SNTG1: variants seen among roughly 807,000 people sequenced by gnomAD.
SNTG1 encodes syntrophin gamma 1.
A neutral mutation model predicts 74.7 loss-of-function variants in SNTG1; 39 were observed. That is an observed-to-expected ratio of 0.52 (90% CI 0.40 to 0.68). SNTG1 has a LOEUF of 0.68. Among genes scored for constraint, SNTG1 ranks in the 30% least tolerant of loss-of-function variants. SNTG1 has a pLI of 0.00. For missense variants in SNTG1, 685 were observed against 609.5 expected (o/e 1.12, Z -1.30); for synonymous variants, 254 against 217.1 (o/e 1.17, Z -1.49).
chr8:50,377,364 T>A (rs4147344), intron 2 of SNTG1, among the ~76,000 whole-genome samples: 46,968 of 152,076 alleles, frequency 0.31, 7,482 homozygotes, highest in South Asian at 0.41. Flanking sequence ...AATTTCAAGT[T>A]CTTTATTCAT....
chr8:50,535,920 G>T (rs1024752343), intron 10 of SNTG1, among the ~76,000 whole-genome samples: 1 of 152,106 alleles, frequency 6.6e-6, no homozygotes, highest in Non-Finnish European at 1.5e-5. Context: ...AATATTATTT[G>T]ATGTGTTGGT....
intron 2 of SNTG1, among the ~76,000 whole-genome samples, chr8:50,252,076 A>G (rs2086670130): frequency 6.6e-6 from 1 of 152,154 alleles, no homozygotes; most frequent in Non-Finnish European, 1.5e-5. Flanking sequence ...CCTTACAAAT[A>G]CATGAAAATT....
chr8:50,262,226 C>T (rs1173965581), intron 2 of SNTG1, among the ~76,000 whole-genome samples: 1 of 152,122 alleles, frequency 6.6e-6, no homozygotes, highest in Non-Finnish European at 1.5e-5. Context: ...AAATGTATAA[C>T]ATTGAGTGAC....
intron 1 of SNTG1, among the ~76,000 whole-genome samples, chr8:49,960,498 T>C (rs1281152457): frequency 6.6e-6 from 1 of 152,076 alleles, no homozygotes; most frequent in Non-Finnish European, 1.5e-5. Context: ...AGAAATCTGA[T>C]TTTGAAAAAA....
chr8:50,169,278 T>C (rs1482834836), intron 1 of SNTG1, among the ~76,000 whole-genome samples: 3 of 152,216 alleles, frequency 2.0e-5, no homozygotes, highest in Non-Finnish European at 4.4e-5. Flanking sequence ...TAAAAGACTT[T>C]GAATAACTGA....
chr8:50,392,619 C>A (rs2131302022), intron 2 of SNTG1, among the ~76,000 whole-genome samples: 1 of 152,074 alleles, frequency 6.6e-6, no homozygotes, highest in East Asian at 1.9e-4. Flanking sequence ...TAAGTTATCT[C>A]CTATATATTT....
rs114324711 is a variant in SNTG1 at position 50,462,465 on chromosome 8, A to G, written c.363+11736A>G. Reference sequence around the variant, plus strand: ...ACTGAAGGTTGGGGTGGCTGGGGCAATTTCTTAAAATAGAACAATGAAATT... The same window carrying G: ...ACTGAAGGTTGGGGTGGCTGGGGCAGTTTCTTAAAATAGAACAATGAAATT... On this transcript the variant is annotated intron_variant, in intron 8 of 18. Transcript: ENST00000642720. Among the ~76,000 whole-genome samples the G allele has an allele frequency of 4.0e-3, 546 of 136,494 alleles. 15 individuals carry two copies. Among genetic ancestry groups the G allele is most frequent in the African/African-American group, 0.013 (532 of 39,772 alleles). The allele number at this position is 136,494 out of a possible 152,430, so 89.5% of individuals were successfully genotyped here.
intron 2 of SNTG1, among the ~76,000 whole-genome samples, chr8:50,358,190 A>G (rs1587297314): frequency 6.6e-6 from 1 of 152,320 alleles, no homozygotes; most frequent in Non-Finnish European, 1.5e-5. Context: ...TTTCAGAAGC[A>G]CCTTGAACTT....
intron 1 of SNTG1, among the ~76,000 whole-genome samples, chr8:49,916,587 G>A (rs114677373): frequency 2.6e-5 from 4 of 151,838 alleles, no homozygotes; most frequent in South Asian, 4.2e-4. Flanking sequence ...TCACAATTTC[G>A]GTCTAAGATT....
rs908016181 is a variant in SNTG1, at chr8:50,731,308, C to T, written c.1285-20693C>T. 4.0e-5 allele frequency among the ~76,000 whole-genome samples: 6 copies of T among 151,846 alleles called. No individual in the cohort carries two copies. The East Asian group carries it at 7.7e-4, about 20-fold the overall frequency. ...TCTTTAGAATCCCCTTGATCTCATT[C>T]GATGTAGGCAACTACTGATTATCCT... On this transcript the variant is annotated intron_variant, in intron 17 of 18. Coordinates refer to ENST00000642720, the MANE Select transcript of SNTG1 (RefSeq NM_018967.5).
chr8:50,670,829 T>A (rs1167518412), intron 15 of SNTG1, among the ~76,000 whole-genome samples: 1 of 151,226 alleles, frequency 6.6e-6, no homozygotes, highest in Non-Finnish European at 1.5e-5. Context: ...AGCATGGTAC[T>A]GGTACCAAAA....
At chr8:50,167,305 A>G (rs1375912551) in intron 1 of SNTG1, among the ~76,000 whole-genome samples, 2 of 148,172 alleles carry the variant, frequency 1.3e-5, no homozygotes, top group Non-Finnish European at 3.0e-5. Flanking sequence ...AAAAAGATTA[A>G]AAATAAAAAA....
chr8:50,519,646 C>A (rs769427299), intron 9 of SNTG1, among the ~76,000 whole-genome samples: 2 of 152,096 alleles, frequency 1.3e-5, no homozygotes, highest in Admixed American at 6.5e-5. Flanking sequence ...CACAATCATT[C>A]CTATACACCA....
intron 12 of SNTG1, among the ~76,000 whole-genome samples, chr8:50,587,425 C>T (rs1446802586): frequency 2.0e-5 from 3 of 152,084 alleles, no homozygotes; most frequent in Non-Finnish European, 4.4e-5. Flanking sequence ...TATTGTTTAG[C>T]ATAATAAATA....
intron 2 of SNTG1, among the ~76,000 whole-genome samples, chr8:50,274,469 A>G (rs2087978603): frequency 6.6e-6 from 1 of 152,142 alleles, no homozygotes; most frequent in African/African-American, 2.4e-5. Context: ...TTTTACATAT[A>G]TAATTATACT....
At chr8:50,013,681 C>A in intron 1 of SNTG1, among the ~76,000 whole-genome samples, 1 of 151,996 alleles carries the variant, frequency 6.6e-6, no homozygotes, top group East Asian at 1.9e-4. Context: ...CATATAATTA[C>A]GGTAATGAGA....
chr8:50,138,661 TAA>T (rs2081559301), intron 1 of SNTG1, among the ~76,000 whole-genome samples: 1 of 148,740 alleles, frequency 6.7e-6, no homozygotes, highest in Admixed American at 6.7e-5. Context: ...ATAATAATAA[TAA>T]TAATAATTCC....
chr8:50,440,089 A>G (rs932378133), intron 5 of SNTG1, among the ~76,000 whole-genome samples: 2 of 151,642 alleles, frequency 1.3e-5, no homozygotes. Flanking sequence ...AATCAAAACT[A>G]TTGTATATAT....
intron 2 of SNTG1, among the ~76,000 whole-genome samples, chr8:50,374,562 T>C (rs2092336890): frequency 6.6e-6 from 1 of 152,180 alleles, no homozygotes; most frequent in African/African-American, 2.4e-5. Context: ...GGTACCCAGT[T>C]CATAGGGACA....
Sources: gnomAD v4.1 joint callset for allele counts (sites outside exome capture counted in the v4.1 genomes callset) on GRCh38, gnomAD v4.1.1 for gene constraint, MANE v1.5 for transcripts, NCBI Gene and HGNC (gene_info 2026-07-23, HGNC 2026-07-21) for gene names.